The following PAK3 variants were observed in gnomAD, a reference collection of about 807,000 sequenced individuals.
The protein encoded by PAK3 is serine/threonine-protein kinase PAK 3.
A neutral mutation model predicts 41.0 loss-of-function variants in PAK3; 4 were observed. That is an observed-to-expected ratio of 0.10 (90% CI 0.05 to 0.22). PAK3 has a LOEUF of 0.22. Ranked by LOEUF, PAK3 falls within the 10% of genes least tolerant of loss-of-function variation. The probability of loss-of-function intolerance (pLI) is 1.00; values close to 1 mark genes in which losing one functional copy is unlikely to be tolerated. For synonymous variants in PAK3, 146 were observed against 139.6 expected (o/e 1.05, Z -0.32); for missense variants, 205 against 409.9 (o/e 0.50, Z 4.32).
At chrX:110,999,210 G>T (rs1475385918) in intron 1 of PAK3, among the ~76,000 whole-genome samples, 3 of 111,777 alleles carry the variant, frequency 2.7e-5, no homozygotes, top group Non-Finnish European at 5.6e-5. Flanking sequence ...GCTCTTACTT[G>T]CTGGAGGGTA....
chrX:110,964,084 G>A (rs2091034648), intron 1 of PAK3, among the ~76,000 whole-genome samples: 1 of 111,674 alleles, frequency 9.0e-6, no homozygotes, highest in Non-Finnish European at 1.9e-5. Context: ...GCTAGTCACT[G>A]TCACATACAT....
chrX:111,100,786 G>A (rs1200590374), intron 3 of PAK3, among the ~76,000 whole-genome samples: 1 of 111,427 alleles, frequency 9.0e-6, no homozygotes, highest in Non-Finnish European at 1.9e-5. Flanking sequence ...TCAGGAAGTT[G>A]GAATGCAGCA....
intron 1 of PAK3, among the ~76,000 whole-genome samples, chrX:110,947,062 C>T (rs1027619672): frequency 4.5e-5 from 5 of 111,675 alleles, no homozygotes; most frequent in Admixed American, 9.5e-5. Context: ...ATAAATGGCC[C>T]TGGGAGTGAG....
intron 11 of PAK3, among the ~76,000 whole-genome samples, chrX:111,174,476 T>A (rs1480262098): frequency 9.0e-6 from 1 of 111,435 alleles, no homozygotes; most frequent in East Asian, 2.8e-4. Flanking sequence ...ATATTCTCAT[T>A]TGCTCACAAA....
chrX:110,978,674 TTTC>T (rs2091386555), intron 1 of PAK3, among the ~76,000 whole-genome samples: 1 of 110,428 alleles, frequency 9.1e-6, no homozygotes, highest in African/African-American at 3.3e-5. Flanking sequence ...TCCTTTCTTC[TTTC>T]TTTTTTCTTT....
intron 1 of PAK3, among the ~76,000 whole-genome samples, chrX:111,087,423 C>CA (rs11288618): frequency 0.11 from 10,684 of 94,481 alleles, 583 homozygotes; most frequent in African/African-American, 0.19. Flanking sequence ...TGCATTATTA[C>CA]AAAAAAAAAA....
intron 16 of PAK3, among the ~76,000 whole-genome samples, chrX:111,211,549 G>A (rs773969833): frequency 1.9e-4 from 21 of 108,433 alleles, no homozygotes; most frequent in African/African-American, 6.8e-4. Flanking sequence ...GGTGGTGGGC[G>A]CCTGTAATCC....
chrX:111,179,017 A>C (rs35694567), intron 11 of PAK3, among the ~76,000 whole-genome samples: 1,927 of 105,517 alleles, frequency 0.018, 22 homozygotes, highest in Non-Finnish European at 0.03. Flanking sequence ...ATATCTATAT[A>C]TATATATATA....
intron 1 of PAK3, among the ~76,000 whole-genome samples, chrX:111,049,781 G>A (rs1049287823): frequency 8.9e-6 from 1 of 112,145 alleles, no homozygotes; most frequent in African/African-American, 3.2e-5. Context: ...AAAGAAGAAT[G>A]ATGATTCCAT....
At chrX:110,986,890 G>A (rs2091554657) in intron 1 of PAK3, among the ~76,000 whole-genome samples, 1 of 111,312 alleles carries the variant, frequency 9.0e-6, no homozygotes, top group Non-Finnish European at 1.9e-5. Context: ...AAAAATGTTA[G>A]AATCAATACA....
At chrX:110,969,087 C>G (rs1323958497) in intron 1 of PAK3, among the ~76,000 whole-genome samples, 11 of 63,336 alleles carry the variant, frequency 1.7e-4, no homozygotes, top group Middle Eastern at 0.017. Flanking sequence ...GCTACCAGAC[C>G]TGCCTAATTT....
intron 11 of PAK3, among the ~76,000 whole-genome samples, chrX:111,188,232 G>T (rs2094530574): frequency 9.1e-6 from 1 of 109,367 alleles, no homozygotes; most frequent in Non-Finnish European, 1.9e-5. Context: ...GAATTTGAAA[G>T]GTAAAGCTCT....
intron 1 of PAK3, among the ~76,000 whole-genome samples, chrX:111,096,982 C>T (rs1438852216): frequency 1.8e-5 from 2 of 109,543 alleles, no homozygotes; most frequent in Admixed American, 1.9e-4. Context: ...TTCTTTATCC[C>T]CCTCCCCTTT....
rs139507819 is a variant in PAK3, at chrX:111,100,254, G to A, written c.-176+2570G>A. Among the ~76,000 whole-genome samples, 738 of 111,213 alleles carry A rather than the reference G, an allele frequency of 6.6e-3. 9 individuals are homozygous for A. The highest frequency in any genetic ancestry group is 0.022 in the African/African-American group (678 of 30,520). On this transcript the variant is annotated intron_variant, in intron 3 of 17. Transcript: ENST00000372007. Reference sequence around the variant, plus strand: ...GTGAAGGAAGGGCCTGGCTTAGGGCGTATATCCTTCTCCTTCGTGCCCTCC... The same window carrying A: ...GTGAAGGAAGGGCCTGGCTTAGGGCATATATCCTTCTCCTTCGTGCCCTCC...
intron 3 of PAK3, among the ~76,000 whole-genome samples, chrX:111,102,869 C>T (rs902016392): frequency 1.8e-5 from 2 of 112,213 alleles, no homozygotes; most frequent in African/African-American, 6.5e-5. Flanking sequence ...CTTGTAACTC[C>T]CAACTCCTGA....
At chrX:110,958,231 A>T (rs1180200644) in intron 1 of PAK3, among the ~76,000 whole-genome samples, 1 of 112,226 alleles carries the variant, frequency 8.9e-6, no homozygotes, top group Non-Finnish European at 1.9e-5. Flanking sequence ...GAGGTCGGAG[A>T]CCATGCAGAA....
chrX:111,094,679 CTTTTTTT>C (rs762547955), upstream of PAK3, among the ~76,000 whole-genome samples: 77 of 45,091 alleles, frequency 1.7e-3, 1 homozygote, highest in Non-Finnish European at 2.8e-3. Flanking sequence ...ATCTGTAGCT[CTTTTTTT>C]TTTTTTTTTT....
intron 1 of PAK3, among the ~76,000 whole-genome samples, chrX:110,946,834 A>G (rs999816643): frequency 8.9e-6 from 1 of 112,836 alleles, no homozygotes; most frequent in Admixed American, 9.4e-5. Context: ...TATATAAAAT[A>G]GAAACTAACC....
intron 1 of PAK3, among the ~76,000 whole-genome samples, chrX:110,987,084 C>T (rs2091557639): frequency 8.9e-6 from 1 of 111,828 alleles, no homozygotes; most frequent in Non-Finnish European, 1.9e-5. Context: ...AGTCCACTGC[C>T]TAGGTTTTCT....
Sources: allele counts gnomAD v4.1 joint callset (sites outside exome capture counted in the v4.1 genomes callset), GRCh38; gene constraint gnomAD v4.1.1; transcripts MANE v1.5; gene names NCBI Gene and HGNC (gene_info 2026-07-23, HGNC 2026-07-21).